DGKA: variants seen among roughly 807,000 people sequenced by gnomAD.
DGKA encodes the protein 80 kDa diacylglycerol kinase.
Under a neutral mutation model 105.0 loss-of-function variants are expected in DGKA, and 35 were observed. The observed-to-expected ratio is 0.33, with a 90% CI of 0.25 to 0.44. The LOEUF is 0.44. Among genes scored for constraint, DGKA ranks in the 20% least tolerant of loss-of-function variants. The pLI is 1.00. For synonymous variants in DGKA, 296 were observed against 332.0 expected (o/e 0.89, Z 1.18); for missense variants, 665 against 915.0 (o/e 0.73, Z 3.53).
At chr12:55,929,013 C>T (rs1565720463), upstream of DGKA, among the ~76,000 whole-genome samples, 2 of 151,814 alleles carry the variant, frequency 1.3e-5, no homozygotes, top group Admixed American at 1.3e-4. Context: ...AAAAATTAGC[C>T]GGGTGTGGTG....
chr12:55,940,267 G>C lies in DGKA; in HGVS notation c.799-47G>C, dbSNP rs12372558. Reference sequence around the variant, plus strand: ...CTGCCCTCAGCCCCTCCCTCCCCTAGGTCCTGCTCAGACCCTGCCAGACAA... The same window carrying C: ...CTGCCCTCAGCCCCTCCCTCCCCTACGTCCTGCTCAGACCCTGCCAGACAA... On this transcript the variant is annotated intron_variant, in intron 10 of 23. Transcript: ENST00000331886. The surrounding 1 kb of genome is among the most constrained non-coding windows in gnomAD (Gnocchi z 4.3). 3.4e-4 allele frequency: 541 copies of C among 1,614,060 alleles called. No homozygotes were observed. The highest frequency in any genetic ancestry group is 4.2e-4 in the Non-Finnish European group (490 of 1,180,032).
intron 22 of DGKA, 45 bp from the exon 23 acceptor site, chr12:55,953,305 A>T: frequency 6.2e-7 from 1 of 1,613,082 alleles, no homozygotes; most frequent in Non-Finnish European, 8.5e-7. Flanking sequence ...GAGTTTTGGT[A>T]TTCGATTGGT....
In DGKA at chr12:55,953,577, A is replaced by G. The variant is rs1888596442; in HGVS notation, c.2125-108A>G. The G allele has an allele frequency of 2.2e-6, 3 of 1,375,616 alleles. No individual in the cohort carries two copies. The African/African-American group carries it at 4.3e-5, about 20-fold the overall frequency. The allele number at this position is 1,375,616 out of a possible 1,614,324, so 85.2% of individuals were successfully genotyped here. Reference sequence around the variant, plus strand: ...CTGGTTTCCCTATCGTGGCCTCTCTAGGAACCTAGCAACCCACCCCAAACC... The same window carrying G: ...CTGGTTTCCCTATCGTGGCCTCTCTGGGAACCTAGCAACCCACCCCAAACC... On this transcript the variant is annotated intron_variant, in intron 23 of 23. Coordinates refer to ENST00000331886, the MANE Select transcript of DGKA (RefSeq NM_001345.5).
At position 55,939,003 on chromosome 12, in the gene DGKA, TC is replaced by T; in HGVS notation, c.474+16del. The T allele has an allele frequency of 6.2e-7, 1 of 1,614,142 alleles. No individual in the cohort carries two copies. Among genetic ancestry groups the T allele is most frequent in the Non-Finnish European group, 8.5e-7 (1 of 1,179,974 alleles). On this transcript the variant is annotated intron_variant, in intron 7 of 23. Coordinates refer to ENST00000331886, the MANE Select transcript of DGKA (RefSeq NM_001345.5). The stretch of plus-strand genomic sequence containing the variant: ...GAGCTGAGGCCGGTAAGGCAGCTCT[TC>T]CTTCATGTCCCTTCTTGTACCTTCT...
Position 55,938,253 on chromosome 12 carries a change from T to C in DGKA, c.349+201T>C, listed in dbSNP as rs1420982067. The C allele has an allele frequency of 1.8e-5, 12 of 663,686 alleles. No homozygotes were observed. The East Asian group carries it at 2.7e-4, about 15-fold the overall frequency. The allele number at this position is 663,686 out of a possible 1,614,324, so 41.1% of individuals were successfully genotyped here. A position where few individuals can be genotyped will look rare whatever the true frequency, so the allele number is the denominator to read the frequency against. On this transcript the variant is annotated intron_variant, in intron 5 of 23. Transcript: ENST00000331886. ...TTCACCATAGTCACCCCAGTACCCA[T>C]GTCTTGTGCATTCCCATGTAGGCGG...
chr12:55,936,638 C>G, intron 2 of DGKA, 71 bp downstream of exon 2: 1 of 1,596,086 alleles, frequency 6.3e-7, no homozygotes, highest in Non-Finnish European at 8.6e-7. Flanking sequence ...CCTCATTACA[C>G]CCCCTGCCCC....
rs576164263 is a variant in DGKA, at chr12:55,938,418, C to A, written c.350-93C>A. 9.4e-4 allele frequency: 1,440 copies of A among 1,531,346 alleles called. 2 individuals are homozygous for A. The highest frequency in any genetic ancestry group is 1.1e-3 in the Non-Finnish European group (1,266 of 1,113,210). 94.9% of individuals were successfully genotyped at this position (1,531,346 alleles called of 1,614,324 possible). ...GCTCTAGGCTTCTCACCCAAAAGCT[C>A]TCTCCCTGTCTCTTTGTTTCCCCCA... On this transcript the variant is annotated intron_variant, in intron 5 of 23. Coordinates refer to ENST00000331886, the MANE Select transcript of DGKA (RefSeq NM_001345.5).
At position 55,941,569 on chromosome 12, in the gene DGKA, A is replaced by G; in HGVS notation, c.1235A>G (p.Asp412Gly). 1 of 1,614,132 alleles carries G rather than the reference A, an allele frequency of 6.2e-7. No homozygotes were observed. The highest frequency in any genetic ancestry group is 8.5e-7 in the Non-Finnish European group (1 of 1,179,996). ...CGACAGGTGTTCAACCTCCTAAAGG[A>G]TGGTCCTGAGATAGGGTGAGCACAG... ...NPRQVFNLLK[D>G]GPEIGLRLFK... The change falls in exon 15 of 24, where the codon GAT (aspartate) becomes GGT (glycine). Residue 412 changes from aspartate (D) to glycine (G), a missense_variant. This residue lies in a region of DGKA where 504 missense variants were observed against 681.2 expected (regional missense o/e 0.74). Coordinates refer to ENST00000331886, the MANE Select transcript of DGKA (RefSeq NM_001345.5).
rs1411117935 is a variant in DGKA at position 55,953,936 on chromosome 12, C to T, written c.*168C>T. 7.8e-6 allele frequency: 5 copies of T among 639,486 alleles called. No individual in the cohort carries two copies. Among genetic ancestry groups the T allele is most frequent in the East Asian group, 2.7e-5 (1 of 36,532 alleles). 39.6% of individuals were successfully genotyped at this position (639,486 alleles called of 1,614,324 possible). A position where few individuals can be genotyped will look rare whatever the true frequency, so the allele number is the denominator to read the frequency against. ...GCACCACCTCACTGTTCCCCATGCG[C>T]ACACACATACACACACCCCAAAACA... On this transcript the variant is annotated 3_prime_UTR_variant, in exon 24 of 24. Coordinates refer to ENST00000331886, the MANE Select transcript of DGKA (RefSeq NM_001345.5).
upstream of DGKA, chr12:55,927,391 A>C (rs1388374666): frequency 1.4e-6 from 1 of 715,606 alleles, no homozygotes; most frequent in Non-Finnish European, 2.5e-6. Context: ...AGTCCCTCTC[A>C]TCCCCAGGAA....
At position 55,952,328 on chromosome 12, in the gene DGKA, G is replaced by C; in HGVS notation, c.1653-13G>C. 1 of 1,613,684 alleles carries C rather than the reference G, an allele frequency of 6.2e-7. No individual in the cohort carries two copies. Among genetic ancestry groups the C allele is most frequent in the Non-Finnish European group, 8.5e-7 (1 of 1,179,684 alleles). On this transcript the variant is annotated splice_polypyrimidine_tract_variant and intron_variant, in intron 19 of 23. Transcript: ENST00000331886. The surrounding 1 kb of genome is among the most constrained non-coding windows in gnomAD (Gnocchi z 5.1). ...GTCCCTCCCTACTGGGCCTTGTGTTGGGGCTGACACAGAATGAAGAACAAG... is the reference window on the plus strand; with the variant it reads ...GTCCCTCCCTACTGGGCCTTGTGTTCGGGCTGACACAGAATGAAGAACAAG...
chr12:55,927,815 C>A, upstream of DGKA: 1 of 1,522,126 alleles, frequency 6.6e-7, no homozygotes. Context: ...TGGCTCTGCC[C>A]CGCTGGGCGG....
At chr12:55,935,760 A>C in intron 1 of DGKA, 1 of 482,596 alleles carries the variant, frequency 2.1e-6, no homozygotes, top group Non-Finnish European at 2.7e-6. Flanking sequence ...ACCCTTCCCT[A>C]GTGGAGCTCC....
At position 55,940,887 on chromosome 12, in the gene DGKA, C is replaced by T; in HGVS notation, c.1018-10C>T. 2 of 1,613,866 alleles carry T rather than the reference C, an allele frequency of 1.2e-6. No individual in the cohort carries two copies. Among genetic ancestry groups the T allele is most frequent in the Non-Finnish European group, 1.7e-6 (2 of 1,179,876 alleles). ...CAGCTTTTCTTCCCTCTACTTTCTT[C>T]CCCTCCCAGGCCTCTGGACCGGATC... On this transcript the variant is annotated splice_polypyrimidine_tract_variant and intron_variant, in intron 12 of 23. Transcript: ENST00000331886. This position sits in a 1 kb window ranked among gnomAD's most constrained non-coding sequence, Gnocchi z 4.3.
chr12:55,945,133 G>A (rs974346616), intron 17 of DGKA, among the ~76,000 whole-genome samples: 2 of 152,218 alleles, frequency 1.3e-5, no homozygotes, highest in Non-Finnish European at 2.9e-5. Context: ...GGGAATATAG[G>A]AGGAAGACCA....
upstream of DGKA, chr12:55,928,010 C>A: frequency 1.8e-6 from 1 of 541,058 alleles, no homozygotes; most frequent in South Asian, 2.5e-5. Flanking sequence ...GGGCAACTCG[C>A]CAATAATCCG....
At chr12:55,939,025 C>T (rs752166622) in intron 7 of DGKA, 36 bp downstream of exon 7, 13 of 1,613,654 alleles carry the variant, frequency 8.1e-6, no homozygotes, top group Non-Finnish European at 1.1e-5. Flanking sequence ...CTTCTTGTAC[C>T]TTCTTCCCTG....
At chr12:55,933,817 A>T (rs1334256382) in intron 1 of DGKA, among the ~76,000 whole-genome samples, 1 of 152,202 alleles carries the variant, frequency 6.6e-6, no homozygotes, top group East Asian at 1.9e-4. Context: ...TGGTTCAAAG[A>T]CATCATTTTT....
intron 17 of DGKA, 146 bp downstream of exon 17, chr12:55,942,409 C>A: frequency 2.8e-6 from 2 of 727,044 alleles, no homozygotes; most frequent in Non-Finnish European, 4.6e-6. Flanking sequence ...GTGGAATGTC[C>A]AAAAAGAAGA....
Sources: gnomAD v4.1 joint callset for allele counts (sites outside exome capture counted in the v4.1 genomes callset) on GRCh38, gnomAD v4.1.1 for gene constraint, gnomAD v4.1.1 regional missense constraint, Gnocchi (gnomAD v3.1) non-coding constraint, MANE v1.5 for transcripts, NCBI Gene and HGNC (gene_info 2026-07-23, HGNC 2026-07-21) for gene names.